The following ARB2A variants were observed in gnomAD, a reference collection of about 807,000 sequenced individuals.
ARB2A encodes the protein cotranscriptional regulator ARB2A.
chr5:94,050,661 A>C, the ARB2A span: 1 of 1,181,932 alleles, frequency 8.5e-7, no homozygotes, highest in Non-Finnish European at 1.2e-6. Flanking sequence ...AAACTGCTGC[A>C]TCTTCAAAAC....
At chr5:93,875,117 T>G in the ARB2A span, among the ~76,000 whole-genome samples, 1 of 152,198 alleles carries the variant, frequency 6.6e-6, no homozygotes. Flanking sequence ...CTAAGGCACC[T>G]GGCTACATAT....
chr5:93,949,217 T>G, the ARB2A span, among the ~76,000 whole-genome samples: 4 of 152,016 alleles, frequency 2.6e-5, no homozygotes, highest in Non-Finnish European at 5.9e-5. Context: ...GATATTTTGA[T>G]GCAGGCATAC....
chr5:93,882,293 C>G, the ARB2A span, among the ~76,000 whole-genome samples: 1 of 151,422 alleles, frequency 6.6e-6, no homozygotes, highest in East Asian at 1.9e-4. Context: ...TTGTTTCTCA[C>G]AGGAGGCCAG....
At chr5:93,805,076 T>G in the ARB2A span, 1 of 965,662 alleles carries the variant, frequency 1.0e-6, no homozygotes, top group African/African-American at 1.8e-5. Flanking sequence ...GATTAATGAT[T>G]TTCACTACAA....
At chr5:93,926,292 G>A in the ARB2A span, among the ~76,000 whole-genome samples, 1 of 151,898 alleles carries the variant, frequency 6.6e-6, no homozygotes, top group Non-Finnish European at 1.5e-5. Flanking sequence ...ACCATGCCCA[G>A]CTAATTTTGT....
the ARB2A span, among the ~76,000 whole-genome samples, chr5:93,924,021 T>C: frequency 6.6e-6 from 1 of 152,128 alleles, no homozygotes; most frequent in South Asian, 2.1e-4. Flanking sequence ...ATCCAATTTG[T>C]GTTTTCTAGG....
the ARB2A span, among the ~76,000 whole-genome samples, chr5:93,732,736 G>A: frequency 6.6e-6 from 1 of 151,908 alleles, no homozygotes; most frequent in Non-Finnish European, 1.5e-5. Context: ...TTTAAATATG[G>A]CTTTGTAAAG....
At chr5:94,109,714 T>C in the ARB2A span, among the ~76,000 whole-genome samples, 1 of 152,180 alleles carries the variant, frequency 6.6e-6, no homozygotes, top group Non-Finnish European at 1.5e-5. Flanking sequence ...TCAGTGCCTT[T>C]GTACTAGGCC....
chr5:94,073,492 A>G, the ARB2A span, among the ~76,000 whole-genome samples: 1 of 152,102 alleles, frequency 6.6e-6, no homozygotes, highest in Admixed American at 6.6e-5. Flanking sequence ...TCTAGAACCT[A>G]TCTACTCTTT....
the ARB2A span, among the ~76,000 whole-genome samples, chr5:94,067,946 C>T: frequency 1.3e-5 from 2 of 152,192 alleles, no homozygotes; most frequent in African/African-American, 4.8e-5. Flanking sequence ...GTAACCAAAA[C>T]AGCATAATAT....
At chr5:93,982,591 C>T in the ARB2A span, among the ~76,000 whole-genome samples, 1 of 152,150 alleles carries the variant, frequency 6.6e-6, no homozygotes, top group Non-Finnish European at 1.5e-5. Flanking sequence ...GACTTTGTTG[C>T]TGTATGAACA....
chr5:93,888,685 T>C, the ARB2A span, among the ~76,000 whole-genome samples: 13 of 151,896 alleles, frequency 8.6e-5, no homozygotes, highest in Non-Finnish European at 1.9e-4. Flanking sequence ...CTTAAGTTTT[T>C]AAGCTAATCA....
the ARB2A span, among the ~76,000 whole-genome samples, chr5:93,671,093 A>C: frequency 6.6e-6 from 1 of 152,312 alleles, no homozygotes; most frequent in African/African-American, 2.4e-5. Flanking sequence ...TAGTAAGGGA[A>C]GCATTATAAA....
At chr5:93,961,611 G>A in the ARB2A span, among the ~76,000 whole-genome samples, 3 of 148,746 alleles carry the variant, frequency 2.0e-5, no homozygotes, top group South Asian at 2.1e-4. Context: ...TTGAGGCCAG[G>A]AAGTCAAGGC....
At chr5:93,677,412 TA>T in the ARB2A span, among the ~76,000 whole-genome samples, 2 of 152,214 alleles carry the variant, frequency 1.3e-5, no homozygotes, top group Non-Finnish European at 2.9e-5. Context: ...CTGAACTTTG[TA>T]GGCAGCCAAT....
chr5:93,824,936 C>CA, the ARB2A span, among the ~76,000 whole-genome samples: 1 of 152,216 alleles, frequency 6.6e-6, no homozygotes, highest in Admixed American at 6.5e-5. Flanking sequence ...GGCATCCCCC[C>CA]AAACTGTTGC....
chr5:93,837,819 G>C, the ARB2A span, among the ~76,000 whole-genome samples: 1 of 151,968 alleles, frequency 6.6e-6, no homozygotes, highest in South Asian at 2.1e-4. Context: ...CTTTTGAAAA[G>C]TGTTCATGTA....
chr5:93,849,476 C>A, the ARB2A span, among the ~76,000 whole-genome samples: 5 of 152,162 alleles, frequency 3.3e-5, no homozygotes, highest in South Asian at 8.3e-4. Flanking sequence ...TACACACACA[C>A]ACACGCAGGA....
chr5:93,683,178 A>C, the ARB2A span: 5 of 1,323,160 alleles, frequency 3.8e-6, no homozygotes, highest in Non-Finnish European at 5.4e-6. Flanking sequence ...TCATCATCAA[A>C]ATCATCATCA....
Sources: allele counts gnomAD v4.1 joint callset (sites outside exome capture counted in the v4.1 genomes callset), GRCh38; gene constraint gnomAD v4.1.1; transcripts MANE v1.5; gene names NCBI Gene and HGNC (gene_info 2026-07-23, HGNC 2026-07-21).